The following CBFA2T3 variants were observed in gnomAD, a reference collection of about 807,000 sequenced individuals.
The protein encoded by CBFA2T3 is CBFA2/RUNX1 partner transcriptional co-repressor 3.
In CBFA2T3, 31 loss-of-function variants were observed where a neutral mutation model predicts 58.6. The observed-to-expected ratio is 0.53, with a 90% confidence interval of 0.40 to 0.71. The LOEUF is 0.71. Among genes scored for constraint, CBFA2T3 ranks in the 30% least tolerant of loss-of-function variants. CBFA2T3 has a pLI of 0.00. For missense variants in CBFA2T3, 1,076 were observed against 963.1 expected (o/e 1.12, Z -1.55); for synonymous variants, 531 against 421.9 (o/e 1.26, Z -3.17).
chr16:88,913,070 A>T (rs947081703), intron 1 of CBFA2T3, among the ~76,000 whole-genome samples: 13 of 152,220 alleles, frequency 8.5e-5, no homozygotes, highest in Non-Finnish European at 1.5e-4. Context: ...CTTCCAGTGC[A>T]GAGGCGGGGT....
At chr16:88,924,467 T>C (rs1049182399) in intron 1 of CBFA2T3, among the ~76,000 whole-genome samples, 1 of 151,864 alleles carries the variant, frequency 6.6e-6, no homozygotes. Context: ...GGGATGGCCT[T>C]GGAGACGGGT....
At chr16:88,959,672 G>T (rs1029268365) in intron 1 of CBFA2T3, among the ~76,000 whole-genome samples, 13 of 152,324 alleles carry the variant, frequency 8.5e-5, no homozygotes, top group African/African-American at 2.9e-4. Flanking sequence ...CCAGCAGCTG[G>T]GAAAGGCGAT....
intron 1 of CBFA2T3, among the ~76,000 whole-genome samples, chr16:88,967,331 C>T (rs1200047238): frequency 3.3e-5 from 5 of 152,244 alleles, no homozygotes; most frequent in Non-Finnish European, 7.3e-5. Flanking sequence ...GAATTCGATG[C>T]CTTTTCTGTA....
chr16:88,975,395 T>C (rs1360848034), intron 1 of CBFA2T3, among the ~76,000 whole-genome samples: 2 of 152,208 alleles, frequency 1.3e-5, no homozygotes, highest in Non-Finnish European at 2.9e-5. Flanking sequence ...CGGCTCTCCA[T>C]GCGCCTCAGA....
chr16:88,958,970 C>A lies in CBFA2T3; in HGVS notation c.151+17687G>T, dbSNP rs1972298163. On this transcript the variant is annotated intron_variant, in intron 1 of 11. Transcript: ENST00000268679. The surrounding 1 kb of genome is among the most constrained non-coding windows in gnomAD (Gnocchi z 4.0). ...TTCCTCTCTCTGCCCCGACCCCTGGCAACCCTGTCAGCTGCTCATTCACCT... is the reference window on the plus strand; with the variant it reads ...TTCCTCTCTCTGCCCCGACCCCTGGAAACCCTGTCAGCTGCTCATTCACCT... Among the ~76,000 whole-genome samples the A allele has an allele frequency of 6.6e-6, 1 of 152,186 alleles. No homozygotes were observed. The highest frequency in any genetic ancestry group is 1.5e-5 in the Non-Finnish European group (1 of 68,016).
At chr16:88,912,776 G>C (rs559417168) in intron 1 of CBFA2T3, among the ~76,000 whole-genome samples, 1 of 152,214 alleles carries the variant, frequency 6.6e-6, no homozygotes, top group East Asian at 1.9e-4. Context: ...TCAACGGGGC[G>C]GCTCGCTGCT....
intron 1 of CBFA2T3, among the ~76,000 whole-genome samples, chr16:88,930,081 C>T (rs1484225803): frequency 6.8e-6 from 1 of 146,814 alleles, no homozygotes; most frequent in Non-Finnish European, 1.5e-5. Context: ...TACCAATACC[C>T]ACAGCTGCAT....
At chr16:88,882,534 G>A in intron 8 of CBFA2T3, 142 bp downstream of exon 8, 1 of 653,214 alleles carries the variant, frequency 1.5e-6, no homozygotes, top group African/African-American at 1.8e-5. Flanking sequence ...GTGTGGGCAT[G>A]GCTGTGTGCA....
chr16:88,892,595 G>C, intron 3 of CBFA2T3, 110 bp from the exon 4 acceptor site: 3 of 1,260,824 alleles, frequency 2.4e-6, no homozygotes, highest in Admixed American at 3.4e-5. Context: ...CAAAAGTGAC[G>C]GCAACAATGA....
intron 1 of CBFA2T3, among the ~76,000 whole-genome samples, chr16:88,949,574 GAA>G (rs1971994041): frequency 6.7e-6 from 1 of 148,244 alleles, no homozygotes. Flanking sequence ...AAAAAAAAAA[GAA>G]AAAGAAAGAA....
intron 1 of CBFA2T3, among the ~76,000 whole-genome samples, chr16:88,932,919 A>C (rs1476499957): frequency 1.3e-5 from 2 of 148,152 alleles, no homozygotes; most frequent in African/African-American, 2.5e-5. Flanking sequence ...CTGTGAGCTG[A>C]GATTGCGCCA....
chr16:88,885,183 T>C lies in CBFA2T3; in HGVS notation c.980A>G (p.Tyr327Cys). 6.2e-7 allele frequency: 1 copy of C among 1,603,886 alleles called. No homozygotes were observed. The highest frequency in any genetic ancestry group is 1.1e-5 in the South Asian group (1 of 90,638). Residue 327 changes from tyrosine (Y) to cysteine (C), a missense_variant, in exon 7 of 12, where the codon TAC becomes TGC. Physicochemically the swap from Tyr to Cys is radical, Grantham distance 194 (BLOSUM62 -2). Coordinates refer to ENST00000268679, the MANE Select transcript of CBFA2T3 (RefSeq NM_005187.6). This position sits in a 1 kb window ranked among gnomAD's most constrained non-coding sequence, Gnocchi z 5.3. ...CTGCGGTGGCCCGTTGCTGGGGCTG[T>C]AGCGCTGGGCAGGGTTCAGGGTGCA... is the stretch of plus-strand genomic sequence containing the variant. ...RPCTLNPAQR[Y>C]SPSNGPPQPT...
chr16:88,969,088 C>T (rs1181416312), intron 1 of CBFA2T3, among the ~76,000 whole-genome samples: 4 of 152,202 alleles, frequency 2.6e-5, no homozygotes, highest in Admixed American at 6.5e-5. Flanking sequence ...CGTGAGCAGT[C>T]GGCTGGGTCA....
rs189166040 is a variant in CBFA2T3 at position 88,921,809 on chromosome 16, T to A, written c.152-20153A>T. Among the ~76,000 whole-genome samples the A allele has an allele frequency of 1.1e-3, 162 of 152,370 alleles. 1 individual carries two copies. Among genetic ancestry groups the A allele is most frequent in the African/African-American group, 3.8e-3 (157 of 41,588 alleles). On this transcript the variant is annotated intron_variant, in intron 1 of 11. Transcript: ENST00000268679. ...TTGAAGTTGCTTCCTCGGCGGCACC[T>A]GGGACGCCCCCCATATGCGCCATAG...
At chr16:88,882,961 A>ACTGCT (rs376172505) in intron 7 of CBFA2T3, among the ~76,000 whole-genome samples, 200 bp from the exon 8 acceptor site, 34 of 152,322 alleles carry the variant, frequency 2.2e-4, no homozygotes, top group African/African-American at 7.2e-4. Flanking sequence ...CTCTGGGCCG[A>ACTGCT]CTGCTCTTCC....
intron 9 of CBFA2T3, 94 bp from the exon 10 acceptor site, chr16:88,880,882 G>C (rs955406077): frequency 8.4e-6 from 10 of 1,185,388 alleles, no homozygotes; most frequent in African/African-American, 6.0e-5. Context: ...TGAGTGCAGG[G>C]CGTGAGTGTG....
At chr16:88,891,332 C>T (rs963943630) in intron 5 of CBFA2T3, among the ~76,000 whole-genome samples, 6 of 152,174 alleles carry the variant, frequency 3.9e-5, no homozygotes, top group South Asian at 2.1e-4. Context: ...CACCTAGCTC[C>T]GCCCTCATCC....
rs555398621 is a variant in CBFA2T3 at position 88,944,821 on chromosome 16, C to T, written c.151+31836G>A. On this transcript the variant is annotated intron_variant, in intron 1 of 11. Coordinates refer to ENST00000268679, the MANE Select transcript of CBFA2T3 (RefSeq NM_005187.6). ...CCCTGGCCAAAGGGCAGGCGCTAGG[C>T]CCTCTCATGTGCCCTCCGTGACCCT... 1.0e-3 allele frequency among the ~76,000 whole-genome samples: 157 copies of T among 152,368 alleles called. 1 individual carries two copies. The highest frequency in any genetic ancestry group is 3.5e-3 in the African/African-American group (144 of 41,588).
chr16:88,891,705 G>A (rs1263590256), intron 5 of CBFA2T3, among the ~76,000 whole-genome samples, 177 bp downstream of exon 5: 2 of 152,066 alleles, frequency 1.3e-5, no homozygotes, highest in Non-Finnish European at 2.9e-5. Flanking sequence ...TGCTCCCCTA[G>A]GGTACCACAG....
Sources: gnomAD v4.1 joint callset for allele counts (sites outside exome capture counted in the v4.1 genomes callset) on GRCh38, gnomAD v4.1.1 for gene constraint, Gnocchi (gnomAD v3.1) non-coding constraint, MANE v1.5 for transcripts, NCBI Gene and HGNC (gene_info 2026-07-23, HGNC 2026-07-21) for gene names.